EXOSC10: variants seen among roughly 807,000 people sequenced by gnomAD.
EXOSC10 encodes exosome component 10.
EXOSC10 carries 94 observed loss-of-function variants against 126.6 expected under a neutral mutation model. The observed-to-expected ratio is 0.74, with a 90% CI of 0.63 to 0.88. The LOEUF (loss-of-function observed/expected upper bound fraction) is 0.88. Ranked by LOEUF, EXOSC10 falls within the 40% of genes least tolerant of loss-of-function variation. The pLI, the probability that EXOSC10 is intolerant of heterozygous loss-of-function variation, is 0.00. For synonymous variants in EXOSC10, 395 were observed against 400.8 expected (o/e 0.99, Z 0.17); for missense variants, 1,041 against 1,100.5 (o/e 0.95, Z 0.77).
intron 13 of EXOSC10, 131 bp downstream of exon 13, chr1:11,080,368 C>T: frequency 8.7e-7 from 1 of 1,148,588 alleles, no homozygotes; most frequent in Non-Finnish European, 1.3e-6. Context: ...CTTCAACTTG[C>T]TACCTTCCAA....
intron 4 of EXOSC10, 102 bp from the exon 5 acceptor site, chr1:11,091,281 GTCAT>G (rs1557716241): frequency 1.3e-5 from 15 of 1,176,796 alleles, no homozygotes; most frequent in Non-Finnish European, 1.2e-6. Context: ...CATCGCAAAG[GTCAT>G]TCATTCATTT....
At chr1:11,080,261 TTAAAA>T (rs758585314) in intron 13 of EXOSC10, among the ~76,000 whole-genome samples, 4 of 152,180 alleles carry the variant, frequency 2.6e-5, no homozygotes, top group African/African-American at 4.8e-5. Flanking sequence ...GCTCAGAGAC[TTAAAA>T]TAAACTCAAA....
intron 14 of EXOSC10, among the ~76,000 whole-genome samples, chr1:11,079,410 T>C (rs1640015119): frequency 6.7e-6 from 1 of 149,404 alleles, no homozygotes; most frequent in East Asian, 2.0e-4. Flanking sequence ...TTTTTTTTTT[T>C]TGAGACGGAG....
At position 11,078,559 on chromosome 1, in the gene EXOSC10, C is replaced by T. The variant is rs1337000852; in HGVS notation, c.1750-908G>A. Among the ~76,000 whole-genome samples the T allele has an allele frequency of 2.0e-5, 3 of 152,248 alleles. No homozygotes were observed. In the East Asian group the frequency reaches 5.8e-4, roughly 29 times the overall value. On this transcript the variant is annotated intron_variant, in intron 14 of 24. Coordinates refer to ENST00000376936, the MANE Select transcript of EXOSC10 (RefSeq NM_001001998.3). ...GGCGTGAGCCACCGCGCCCGGCTGA[C>T]CCTGTTTCAAAACAACAACAACAAC...
rs1204010033 is a variant in EXOSC10 at position 11,073,974 on chromosome 1, G to C, written c.2117C>G (p.Ser706Cys). The change falls in exon 19 of 25, where the codon TCT (serine) becomes TGT (cysteine). Residue 706 changes from serine (S) to cysteine (C), a missense_variant. By Grantham distance (112) the Ser-to-Cys change is moderately radical. This residue lies in a region of EXOSC10 where 388 missense variants were observed against 415.2 expected (regional missense o/e 0.93). Coordinates refer to ENST00000376936, the MANE Select transcript of EXOSC10 (RefSeq NM_001001998.3). ...LPSLGHRAPV[S>C]QAAKFDPSTK... ...TGATGGATCGAACTTCGCTGCCTGA[G>C]AGACGGGAGCACGGTGTCCCAGTGA... The C allele has an allele frequency of 6.2e-7, 1 of 1,613,412 alleles. No homozygotes were observed. Among genetic ancestry groups the C allele is most frequent in the Non-Finnish European group, 8.5e-7 (1 of 1,179,916 alleles).
At position 11,098,135 on chromosome 1, in the gene EXOSC10, C is replaced by T. The variant is rs768737463; in HGVS notation, c.133G>A (p.Ala45Thr). 1.2e-6 allele frequency: 2 copies of T among 1,607,382 alleles called. No homozygotes were observed. Among genetic ancestry groups the T allele is most frequent in the Non-Finnish European group, 1.7e-6 (2 of 1,178,194 alleles). Residue 45 changes from alanine (A) to threonine (T), a missense_variant, in exon 2 of 25, where the codon GCA becomes ACA. This residue lies in a region of EXOSC10 where 645 missense variants were observed against 656.3 expected (regional missense o/e 0.98). Coordinates refer to ENST00000376936, the MANE Select transcript of EXOSC10 (RefSeq NM_001001998.3). Reference sequence around the variant, plus strand: ...AGGCCCCCAGATGCCTTGGTGACTGCCACCACGGACCCAAGAGCAAACTGT... The same window carrying T: ...AGGCCCCCAGATGCCTTGGTGACTGTCACCACGGACCCAAGAGCAAACTGT... ...FVKFALGSVV[A>T]VTKASGGLPQ...
At chr1:11,082,203 C>A (rs2100984583) in intron 10 of EXOSC10, among the ~76,000 whole-genome samples, 1 of 152,238 alleles carries the variant, frequency 6.6e-6, no homozygotes, top group East Asian at 1.9e-4. Flanking sequence ...GGAAAACGAC[C>A]AAGCTGAGCA....
At position 11,098,122 on chromosome 1, in the gene EXOSC10, GCCTTGGTGACTGCCACCACGGAC is replaced by G. The variant is rs779787256; in HGVS notation, c.123_145del (p.Ser42IlefsTer10). ...GCCAAACTGTGGTAGGCCCCCAGAT[GCCTTGGTGACTGCCACCACGGAC>G]CCAAGAGCAAACTGTCAAAAACAAG... is the stretch of plus-strand genomic sequence containing the variant. On this transcript the variant is annotated frameshift_variant, in exon 2 of 25. Transcript: ENST00000376936. LOFTEE classifies it high-confidence loss of function. 2.4e-5 allele frequency: 38 copies of G among 1,611,624 alleles called. No individual in the cohort carries two copies. Among genetic ancestry groups the G allele is most frequent in the Non-Finnish European group, 2.7e-5 (32 of 1,179,410 alleles).
chr1:11,081,379 A>G, intron 10 of EXOSC10, 141 bp from the exon 11 acceptor site: 1 of 867,204 alleles, frequency 1.2e-6, no homozygotes, highest in Non-Finnish European at 1.8e-6. Flanking sequence ...TTATGCCAAC[A>G]TTTCCTGCAT....
intron 3 of EXOSC10, among the ~76,000 whole-genome samples, chr1:11,093,119 TA>T (rs1462657923): frequency 6.6e-6 from 1 of 152,216 alleles, no homozygotes; most frequent in African/African-American, 2.4e-5. Context: ...TAAAGGTCAT[TA>T]GTATGTCATG....
Position 11,081,093 on chromosome 1 carries a change from T to C in EXOSC10, c.1426A>G (p.Ile476Val). ...CGGCTGAGGTGTACCTTGAGGCAGA[T>C]GTCCCTGCTCCGTTGCCACACCACC... is the stretch of plus-strand genomic sequence containing the variant. ...LQVVWQRSRD[I>V]CLKKFIKPIF... Residue 476 changes from isoleucine to valine, a missense_variant, in exon 11 of 25, where the codon ATC becomes GTC. Transcript: ENST00000376936. 6.2e-7 allele frequency: 1 copy of C among 1,614,178 alleles called. No individual in the cohort carries two copies. Among genetic ancestry groups the C allele is most frequent in the Non-Finnish European group, 8.5e-7 (1 of 1,180,028 alleles).
chr1:11,068,725 G>C lies in EXOSC10; in HGVS notation c.2489-19C>G, dbSNP rs1199064224. ...CTGTTTCCTGAAAGGTAAGAGATGA[G>C]AGAGACCTGCGGTCAGGTCAATGAG... On this transcript the variant is annotated intron_variant, in intron 22 of 24. Transcript: ENST00000376936. 1.2e-6 allele frequency: 2 copies of C among 1,608,960 alleles called. No individual in the cohort carries two copies. Among genetic ancestry groups the C allele is most frequent in the African/African-American group, 1.3e-5 (1 of 74,830 alleles).
chr1:11,093,768 T>C (rs562245511), intron 3 of EXOSC10, among the ~76,000 whole-genome samples: 19 of 152,246 alleles, frequency 1.2e-4, no homozygotes, highest in African/African-American at 4.6e-4. Flanking sequence ...GCAACACAAA[T>C]AGAATTTGCA....
At chr1:11,077,094 T>G (rs1349640674) in intron 16 of EXOSC10, 146 bp from the exon 17 acceptor site, 6 of 653,628 alleles carry the variant, frequency 9.2e-6, no homozygotes, top group Non-Finnish European at 1.6e-5. Flanking sequence ...TCGGTTCAAG[T>G]GATTCTCCTG....
Position 11,079,835 on chromosome 1 carries a change from A to G in EXOSC10, c.1638-13T>C, listed in dbSNP as rs568473282. 6.3e-7 allele frequency: 1 copy of G among 1,593,244 alleles called. No homozygotes were observed. The highest frequency in any genetic ancestry group is 1.3e-5 in the African/African-American group (1 of 74,560). The stretch of plus-strand genomic sequence containing the variant: ...GCCCTGAGGTTCCCTGAAGACAAGT[A>G]AGAACACACTCAACTTGTCACTCAG... On this transcript the variant is annotated splice_polypyrimidine_tract_variant and intron_variant, in intron 13 of 24. Transcript: ENST00000376936.
At chr1:11,070,545 A>T in intron 21 of EXOSC10, 1 of 150,398 alleles carries the variant, frequency 6.6e-6, no homozygotes, top group Non-Finnish European at 1.4e-5. Context: ...AAAAAAAAAG[A>T]GTTCCAGAGT....
intron 5 of EXOSC10, 25 bp from the exon 6 acceptor site, chr1:11,090,693 ACAT>A: frequency 2.0e-6 from 3 of 1,510,240 alleles, no homozygotes; most frequent in South Asian, 1.2e-5. Flanking sequence ...AGTGACAAAA[ACAT>A]CATTAGCACA....
chr1:11,087,356 C>T, intron 9 of EXOSC10, 92 bp downstream of exon 9: 1 of 1,455,302 alleles, frequency 6.9e-7, no homozygotes, highest in South Asian at 1.2e-5. Flanking sequence ...CCCAACTTGA[C>T]TGGTCTAGGT....
At chr1:11,093,334 G>A (rs1640900634) in intron 3 of EXOSC10, among the ~76,000 whole-genome samples, 1 of 152,190 alleles carries the variant, frequency 6.6e-6, no homozygotes, top group Admixed American at 6.5e-5. Context: ...TGAAACTGCA[G>A]GGAGTCCTCA....
Sources: allele counts gnomAD v4.1 joint callset (sites outside exome capture counted in the v4.1 genomes callset), GRCh38; gene constraint gnomAD v4.1.1; regional missense constraint gnomAD v4.1.1; transcripts MANE v1.5; gene names NCBI Gene and HGNC (gene_info 2026-07-23, HGNC 2026-07-21).